The following CACNA2D3 variants were observed in gnomAD, a reference collection of about 807,000 sequenced individuals.
The protein encoded by CACNA2D3 is voltage-dependent calcium channel subunit alpha-2/delta-3.
In CACNA2D3, 60 loss-of-function variants were observed where a neutral mutation model predicts 160.6. The observed-to-expected ratio is 0.37, with a 90% confidence interval of 0.30 to 0.46. CACNA2D3 has a LOEUF of 0.46. CACNA2D3 is among the 20% of genes least tolerant of loss of function. CACNA2D3 has a pLI of 1.00. For synonymous variants in CACNA2D3, 558 were observed against 492.9 expected, an observed-to-expected ratio of 1.13 and a Z score of -1.75; for missense variants, 1,205 against 1,365.0, an observed-to-expected ratio of 0.88 and a Z score of 1.85.
chr3:54,832,068 T>C (rs973194309), intron 14 of CACNA2D3, among the ~76,000 whole-genome samples: 3 of 138,714 alleles, frequency 2.2e-5, no homozygotes, highest in African/African-American at 8.2e-5. Flanking sequence ...TCTCTCCTCC[T>C]CTCTGTTGAG....
intron 2 of CACNA2D3, among the ~76,000 whole-genome samples, chr3:54,258,763 A>T (rs1387945889): frequency 6.6e-6 from 1 of 152,178 alleles, no homozygotes; most frequent in African/African-American, 2.4e-5. Flanking sequence ...TAAGTGTTTG[A>T]AAGTATTGAT....
chr3:54,183,885 C>CA (rs1559874898), intron 2 of CACNA2D3, among the ~76,000 whole-genome samples: 3 of 45,286 alleles, frequency 6.6e-5, no homozygotes, highest in African/African-American at 8.4e-5. Context: ...AACTCCGTCT[C>CA]AAAAAAGAAA....
chr3:54,223,268 G>T (rs1701607524), intron 2 of CACNA2D3, among the ~76,000 whole-genome samples: 1 of 152,176 alleles, frequency 6.6e-6, no homozygotes, highest in Non-Finnish European at 1.5e-5. Context: ...TGCACAATAG[G>T]CTGTAGTCTA....
At chr3:54,945,603 A>G (rs892960300) in intron 27 of CACNA2D3, among the ~76,000 whole-genome samples, 6 of 152,140 alleles carry the variant, frequency 3.9e-5, no homozygotes, top group African/African-American at 1.4e-4. Flanking sequence ...TAAGTTCTTC[A>G]AACTTTAGTG....
At chr3:54,631,190 C>T (rs1471052455) in intron 10 of CACNA2D3, among the ~76,000 whole-genome samples, 8 of 134,814 alleles carry the variant, frequency 5.9e-5, no homozygotes, top group Admixed American at 1.5e-4. Context: ...GGTGACAGAG[C>T]GAGACTCCAT....
At chr3:54,794,902 G>A (rs1242541458) in intron 13 of CACNA2D3, among the ~76,000 whole-genome samples, 1 of 151,794 alleles carries the variant, frequency 6.6e-6, no homozygotes, top group Non-Finnish European at 1.5e-5. Flanking sequence ...TTTTTCTTGA[G>A]GTTCATTAAC....
In CACNA2D3 at chr3:54,434,683, G is replaced by T. The variant is rs117528523; in HGVS notation, c.381+47909G>T. Among the ~76,000 whole-genome samples, 562 of 152,324 alleles carry T rather than the reference G, an allele frequency of 3.7e-3. 19 individuals are homozygous for T. In the East Asian group the frequency reaches 0.071, roughly 19 times the overall value. On this transcript the variant is annotated intron_variant, in intron 4 of 37. Transcript: ENST00000474759. ...TGGTGGCCTGGGCCAGACACAGTCA[G>T]GGGTCAGGCCCACCCAACCAGGAGG...
chr3:54,386,399 A>C (rs1189426870), intron 3 of CACNA2D3, among the ~76,000 whole-genome samples: 1 of 152,228 alleles, frequency 6.6e-6, no homozygotes, highest in Non-Finnish European at 1.5e-5. Context: ...GCACTATGCT[A>C]GGTGGGTTTT....
intron 12 of CACNA2D3, among the ~76,000 whole-genome samples, chr3:54,763,663 G>GTGTGTATATATGTATATA (rs1384493451): frequency 2.0e-4 from 29 of 145,022 alleles, no homozygotes; most frequent in Non-Finnish European, 3.2e-4. Context: ...ATGTGTGTGT[G>GTGTGTATATATGTATATA]TGTGTGTATA....
intron 4 of CACNA2D3, among the ~76,000 whole-genome samples, chr3:54,457,054 G>A (rs1018111353): frequency 1.3e-5 from 2 of 150,930 alleles, no homozygotes; most frequent in Admixed American, 6.6e-5. Flanking sequence ...TCATTTTGTT[G>A]ATCTTTTTTT....
chr3:54,614,709 A>G (rs1044561064), intron 9 of CACNA2D3, among the ~76,000 whole-genome samples: 2 of 152,216 alleles, frequency 1.3e-5, no homozygotes, highest in Non-Finnish European at 2.9e-5. Flanking sequence ...GGTTAGGGGC[A>G]GAAGATGAAC....
chr3:54,998,716 T>C (rs1702913016), intron 31 of CACNA2D3, among the ~76,000 whole-genome samples: 2 of 45,326 alleles, frequency 4.4e-5, no homozygotes, highest in Admixed American at 2.3e-4. Context: ...AAGTTGGTTT[T>C]TGTTTTGTTT....
At chr3:54,508,073 G>A (rs1015091281) in intron 5 of CACNA2D3, among the ~76,000 whole-genome samples, 3 of 152,196 alleles carry the variant, frequency 2.0e-5, no homozygotes, top group African/African-American at 7.2e-5. Flanking sequence ...AAGACTGAGG[G>A]AGCTTGTTGT....
chr3:54,844,615 T>C (rs1698894375), intron 16 of CACNA2D3, among the ~76,000 whole-genome samples: 1 of 152,172 alleles, frequency 6.6e-6, no homozygotes, highest in Non-Finnish European at 1.5e-5. Context: ...AACCGCACGA[T>C]AGGACCTTTG....
intron 14 of CACNA2D3, among the ~76,000 whole-genome samples, chr3:54,825,408 G>T (rs903414103): frequency 6.6e-6 from 1 of 152,152 alleles, no homozygotes; most frequent in Non-Finnish European, 1.5e-5. Context: ...TCAATGTTCT[G>T]TTTCCTTGCT....
At position 54,162,715 on chromosome 3, in the gene CACNA2D3, C is replaced by A. The variant is rs552218647; in HGVS notation, c.204+39121C>A. On this transcript the variant is annotated intron_variant, in intron 2 of 37. Coordinates refer to ENST00000474759, the MANE Select transcript of CACNA2D3 (RefSeq NM_018398.3). ...ATTCTGCCCTTATGGAACTAATAAC[C>A]TAGTAGGGAAGACAGTGCTGCCCCA... 2.0e-5 allele frequency among the ~76,000 whole-genome samples: 3 copies of A among 152,204 alleles called. No homozygotes were observed. The East Asian group carries it at 5.8e-4, about 29-fold the overall frequency.
At chr3:54,186,675 T>A (rs949243491) in intron 2 of CACNA2D3, among the ~76,000 whole-genome samples, 3 of 152,214 alleles carry the variant, frequency 2.0e-5, no homozygotes, top group Non-Finnish European at 2.9e-5. Flanking sequence ...CTGCATTTTT[T>A]AATGTGCTCT....
chr3:54,593,752 G>A (rs921540246), intron 9 of CACNA2D3, among the ~76,000 whole-genome samples: 5 of 152,102 alleles, frequency 3.3e-5, no homozygotes, highest in Non-Finnish European at 5.9e-5. Context: ...GATAAGCACA[G>A]GCAATAGATA....
At chr3:54,499,290 C>T (rs1597310) in intron 4 of CACNA2D3, among the ~76,000 whole-genome samples, 3,105 of 152,166 alleles carry the variant, frequency 0.02, 87 homozygotes, top group East Asian at 0.11. Flanking sequence ...TGGGACTTTG[C>T]CTCATGTACC....
Sources: gnomAD v4.1 joint callset for allele counts (sites outside exome capture counted in the v4.1 genomes callset) on GRCh38, gnomAD v4.1.1 for gene constraint, MANE v1.5 for transcripts, NCBI Gene and HGNC (gene_info 2026-07-23, HGNC 2026-07-21) for gene names.